ZBTB46: variants seen among roughly 807,000 people sequenced by gnomAD.
ZBTB46 encodes zinc finger and BTB domain containing 46.
In ZBTB46, 8 loss-of-function variants were observed where a neutral mutation model predicts 44.1. The ratio of observed to expected loss-of-function variants is 0.18; its 90% confidence interval spans 0.11 to 0.33. ZBTB46 has a LOEUF of 0.33. Among genes scored for constraint, ZBTB46 ranks in the 10% least tolerant of loss-of-function variants. The pLI is 1.00. For missense variants in ZBTB46, 651 were observed against 847.7 expected (o/e 0.77, Z 2.88); for synonymous variants, 409 against 382.3 (o/e 1.07, Z -0.81).
At chr20:63,823,130 T>C (rs1397010548) in intron 1 of ZBTB46, among the ~76,000 whole-genome samples, 1 of 152,028 alleles carries the variant, frequency 6.6e-6, no homozygotes, top group Non-Finnish European at 1.5e-5. Flanking sequence ...ACTGCACCAC[T>C]GCACTCCAGC....
chr20:63,811,275 A>G (rs1200978172), intron 1 of ZBTB46, among the ~76,000 whole-genome samples: 2 of 152,212 alleles, frequency 1.3e-5, no homozygotes, highest in Non-Finnish European at 2.9e-5. Flanking sequence ...CAACAGGTGG[A>G]CAAGATGCGA....
chr20:63,749,482 A>G (rs892057791), intron 4 of ZBTB46, among the ~76,000 whole-genome samples: 159 of 152,030 alleles, frequency 1.0e-3, no homozygotes, highest in Middle Eastern at 3.4e-3. Context: ...GACTACAGGC[A>G]CCCGCCACCA....
chr20:63,770,119 G>A (rs773569277), intron 3 of ZBTB46, among the ~76,000 whole-genome samples: 12 of 152,232 alleles, frequency 7.9e-5, no homozygotes, highest in East Asian at 7.7e-4. Flanking sequence ...CCACATTTCC[G>A]GGCACGGCTG....
chr20:63,798,694 T>TAAAAAAAAAAAAAAAAAAAAAAAAAG (rs2092622070), intron 1 of ZBTB46, among the ~76,000 whole-genome samples: 1 of 6,922 alleles, frequency 1.4e-4, no homozygotes, highest in African/African-American at 5.1e-4. Context: ...AAAAAAAAAA[T>TAAAAAAAAAAAAAAAAAAAAAAAAAG]TAGCTGGGCA....
intron 2 of ZBTB46, among the ~76,000 whole-genome samples, chr20:63,784,429 C>T (rs1328790074): frequency 2.0e-5 from 3 of 152,242 alleles, no homozygotes; most frequent in African/African-American, 7.2e-5. Flanking sequence ...AAGCTCCCAC[C>T]TCACCAGGGT....
intron 3 of ZBTB46, among the ~76,000 whole-genome samples, chr20:63,754,173 C>T (rs551160230): frequency 8.5e-5 from 13 of 152,354 alleles, no homozygotes; most frequent in East Asian, 5.8e-4. Flanking sequence ...TGGCTGTGTT[C>T]GGACGCATGT....
chr20:63,798,310 T>C lies in ZBTB46; in HGVS notation c.-33-7520A>G, dbSNP rs376723691. ...TTGTCAAAGATCAGATGGTTGTAGA[T>C]GTGTGGTATTATTTCTGAGGGCTCT... On this transcript the variant is annotated intron_variant, in intron 1 of 4. Coordinates refer to ENST00000245663, the MANE Select transcript of ZBTB46 (RefSeq NM_001369741.1). Among the ~76,000 whole-genome samples the C allele has an allele frequency of 2.8e-3, 432 of 152,228 alleles. 2 individuals are homozygous for C. The highest frequency in any genetic ancestry group is 6.0e-3 in the South Asian group (29 of 4,816).
chr20:63,745,522 A>T lies in ZBTB46; in HGVS notation c.*1408T>A, dbSNP rs1379605532. 6.6e-6 allele frequency: 1 copy of T among 152,240 alleles called. No homozygotes were observed. Among genetic ancestry groups the T allele is most frequent in the Non-Finnish European group, 1.5e-5 (1 of 68,050 alleles). 9.4% of individuals were successfully genotyped at this position (152,240 alleles called of 1,614,324 possible). On this transcript the variant is annotated 3_prime_UTR_variant, in exon 5 of 5. Transcript: ENST00000245663. ...GAAAAAGAGAGTAAAAACTCTTTCC[A>T]CGCAGCCCTGAAGCTCAGCACTCCG...
intron 1 of ZBTB46, among the ~76,000 whole-genome samples, chr20:63,799,131 A>C (rs1330904137): frequency 6.6e-6 from 1 of 151,710 alleles, no homozygotes; most frequent in East Asian, 2.0e-4. Context: ...CCCGGGCTCA[A>C]GCAATTCTCC....
At chr20:63,792,049 G>A (rs946050300) in intron 1 of ZBTB46, among the ~76,000 whole-genome samples, 1 of 152,154 alleles carries the variant, frequency 6.6e-6, no homozygotes, top group Non-Finnish European at 1.5e-5. Context: ...GGCTTCTCCC[G>A]GTGTGCACGT....
chr20:63,776,133 C>T (rs889910864), intron 2 of ZBTB46, among the ~76,000 whole-genome samples, 171 bp from the exon 3 acceptor site: 2 of 152,254 alleles, frequency 1.3e-5, no homozygotes, highest in Non-Finnish European at 2.9e-5. Flanking sequence ...GCAGCAGCCT[C>T]GGCCCAGCCC....
At chr20:63,775,514 T>A (rs2092417419) in intron 3 of ZBTB46, 164 bp downstream of exon 3, 2 of 918,198 alleles carry the variant, frequency 2.2e-6, no homozygotes, top group Non-Finnish European at 3.1e-6. Context: ...GAGAGGCCAG[T>A]CCAGGCTGTG....
intron 2 of ZBTB46, among the ~76,000 whole-genome samples, chr20:63,781,912 C>T (rs1440799942): frequency 2.0e-5 from 3 of 151,562 alleles, no homozygotes; most frequent in South Asian, 2.1e-4. Flanking sequence ...GGTGAAACCT[C>T]GTCTCTACTA....
In ZBTB46 at chr20:63,746,815, CAGA is replaced by C; in HGVS notation, c.*112_*114del. The C allele has an allele frequency of 7.2e-7, 1 of 1,397,106 alleles. No individual in the cohort carries two copies. The highest frequency in any genetic ancestry group is 2.7e-5 in the East Asian group (1 of 37,708). 86.5% of individuals were successfully genotyped at this position (1,397,106 alleles called of 1,614,324 possible). A position where few individuals can be genotyped will look rare whatever the true frequency, so the allele number is the denominator to read the frequency against. ...CGTGGGGGGTGGGTTCAGGGGGAAG[CAGA>C]GGAGGGGCCGCGAGAGGGGTGAGCG... On this transcript the variant is annotated 3_prime_UTR_variant, in exon 5 of 5. Transcript: ENST00000245663.
chr20:63,823,936 G>T (rs1406830187), intron 1 of ZBTB46, among the ~76,000 whole-genome samples: 2 of 149,310 alleles, frequency 1.3e-5, no homozygotes, highest in African/African-American at 2.5e-5. Flanking sequence ...AATGTAAACC[G>T]TTGAATGGGC....
At position 63,803,244 on chromosome 20, in the gene ZBTB46, G is replaced by A. The variant is rs1341229650; in HGVS notation, c.-33-12454C>T. 1.5e-5 allele frequency: 14 copies of A among 942,554 alleles called. No homozygotes were observed. Among genetic ancestry groups the A allele is most frequent in the African/African-American group, 1.2e-4 (7 of 56,246 alleles). 58.4% of individuals were successfully genotyped at this position (942,554 alleles called of 1,614,324 possible). A position where few individuals can be genotyped will look rare whatever the true frequency, so the allele number is the denominator to read the frequency against. ...CAGGCACCTCCCCTCACACCAAGGC[G>A]TTCATGGTTTACCTTCTTCTGAAAA... On this transcript the variant is annotated intron_variant, in intron 1 of 4. Coordinates refer to ENST00000245663, the MANE Select transcript of ZBTB46 (RefSeq NM_001369741.1). This position sits in a 1 kb window ranked among gnomAD's most constrained non-coding sequence, Gnocchi z 4.0.
intron 1 of ZBTB46, among the ~76,000 whole-genome samples, chr20:63,796,167 C>T (rs1255238991): frequency 1.3e-5 from 2 of 152,194 alleles, no homozygotes; most frequent in African/African-American, 4.8e-5. Flanking sequence ...TTTTTCCCCG[C>T]GTCCCTAAGG....
In ZBTB46 at chr20:63,752,548, C is replaced by T. The variant is rs1019500201; in HGVS notation, c.1398+138G>A. On this transcript the variant is annotated intron_variant, in intron 4 of 4. Coordinates refer to ENST00000245663, the MANE Select transcript of ZBTB46 (RefSeq NM_001369741.1). This position sits in a 1 kb window ranked among gnomAD's most constrained non-coding sequence, Gnocchi z 5.6. The stretch of plus-strand genomic sequence containing the variant: ...CAGACAGGGGCCCGGGGCGGATCTC[C>T]CTGCCCTGCTGTCGTCCCCCCTGTG... The T allele has an allele frequency of 3.5e-5, 39 of 1,102,004 alleles. No homozygotes were observed. In the Admixed American group the frequency reaches 1.3e-3, roughly 38 times the overall value. The allele number at this position is 1,102,004 out of a possible 1,614,324, so 68.3% of individuals were successfully genotyped here.
At chr20:63,765,629 T>C in intron 3 of ZBTB46, among the ~76,000 whole-genome samples, 1 of 152,186 alleles carries the variant, frequency 6.6e-6, no homozygotes, top group South Asian at 2.1e-4. Context: ...AAGGTCTCCC[T>C]ATGTTGCCCA....
Sources: gnomAD v4.1 joint callset for allele counts (sites outside exome capture counted in the v4.1 genomes callset) on GRCh38, gnomAD v4.1.1 for gene constraint, Gnocchi (gnomAD v3.1) non-coding constraint, MANE v1.5 for transcripts, NCBI Gene and HGNC (gene_info 2026-07-23, HGNC 2026-07-21) for gene names.